POLK: variants seen among roughly 807,000 people sequenced by gnomAD.
POLK encodes polymerase (DNA directed) kappa.
POLK carries 76 observed loss-of-function variants against 94.0 expected under a neutral mutation model. That is an observed-to-expected ratio of 0.81 (90% CI 0.67 to 0.98). The LOEUF (loss-of-function observed/expected upper bound fraction) is 0.98, where lower values mean the gene tolerates loss of function less well. POLK is among the 50% of genes least tolerant of loss of function. The probability of loss-of-function intolerance (pLI) is 0.00; values close to 1 mark genes in which losing one functional copy is unlikely to be tolerated. For missense variants in POLK, 954 were observed against 1,010.1 expected (o/e 0.94, Z 0.75); for synonymous variants, 349 against 325.4 (o/e 1.07, Z -0.78).
chr5:75,594,063 A>AT lies in POLK; in HGVS notation c.1528+21dup, dbSNP rs768343576. The AT allele has an allele frequency of 1.9e-6, 3 of 1,544,926 alleles. No individual in the cohort carries two copies. The highest frequency in any genetic ancestry group is 1.4e-5 in the African/African-American group (1 of 71,844). On this transcript the variant is annotated intron_variant, in intron 12 of 14. Coordinates refer to ENST00000241436, the Ensembl canonical transcript of POLK. ...TAAGGCTTATGGGTATGACTTTTTCATTTTTTTGTTTTTCCTTAAATCTGC... is the reference window on the plus strand; with the variant it reads ...TAAGGCTTATGGGTATGACTTTTTCATTTTTTTTGTTTTTCCTTAAATCTGC...
intron 4 of POLK, among the ~76,000 whole-genome samples, 199 bp downstream of exon 4, chr5:75,569,691 A>T (rs899904338): frequency 6.6e-6 from 1 of 152,122 alleles, no homozygotes; most frequent in Non-Finnish European, 1.5e-5. Flanking sequence ...ACAGATTGGT[A>T]TTGGTCCATG....
At chr5:75,604,956 C>T (rs922722818), downstream of POLK, among the ~76,000 whole-genome samples, 1 of 152,108 alleles carries the variant, frequency 6.6e-6, no homozygotes, top group African/African-American at 2.4e-5. Context: ...TGAACTGTTC[C>T]CCTTACCAGT....
chr5:75,546,622 AC>A (rs1554055004), intron 1 of POLK, among the ~76,000 whole-genome samples: 4 of 56,364 alleles, frequency 7.1e-5, no homozygotes, highest in African/African-American at 2.9e-4. Flanking sequence ...GCCCCACCCC[AC>A]CCCCCACCCC....
exon 15 of POLK, chr5:75,598,617 G>A (rs1773206955): frequency 6.6e-6 from 1 of 152,598 alleles, no homozygotes; most frequent in East Asian, 1.9e-4. Flanking sequence ...ATAAGCACTT[G>A]AATCAGTTTT....
chr5:75,585,351 CTACTT>C (rs1259290417), intron 9 of POLK, among the ~76,000 whole-genome samples: 2 of 152,202 alleles, frequency 1.3e-5, no homozygotes, highest in African/African-American at 4.8e-5. Flanking sequence ...TCAGTACTGA[CTACTT>C]TACTTTGTGT....
chr5:75,584,656 A>G (rs1373409391), intron 8 of POLK, 104 bp from the exon 9 acceptor site: 6 of 663,774 alleles, frequency 9.0e-6, no homozygotes, highest in African/African-American at 1.9e-5. Flanking sequence ...GGGCAACAAG[A>G]GCGAGACTCC....
At chr5:75,602,635 C>T (rs956782152), downstream of POLK, among the ~76,000 whole-genome samples, 3 of 152,158 alleles carry the variant, frequency 2.0e-5, no homozygotes, top group African/African-American at 4.8e-5. Context: ...ACTTCAAATT[C>T]GTAACATGTT....
intron 6 of POLK, 29 bp downstream of exon 6, chr5:75,576,962 A>G (rs1208639349): frequency 2.1e-6 from 3 of 1,429,598 alleles, no homozygotes; most frequent in African/African-American, 1.5e-5. Context: ...CTATCAAACC[A>G]AGAAGCAGTG....
chr5:75,596,115 C>G (rs1281149349), intron 12 of POLK, 107 bp from the exon 13 acceptor site: 3 of 657,382 alleles, frequency 4.6e-6, no homozygotes, highest in African/African-American at 1.8e-5. Flanking sequence ...TAGTTTCTCT[C>G]TAGCCAACCT....
exon 7 of POLK, chr5:75,581,300 C>A: frequency 6.2e-7 from 1 of 1,613,542 alleles, no homozygotes; most frequent in Non-Finnish European, 8.5e-7. Context: ...ATGTGCAGCC[C>A]CCAGGAGATC....
chr5:75,545,166 A>G (rs1477689387), intron 1 of POLK, among the ~76,000 whole-genome samples: 1 of 152,228 alleles, frequency 6.6e-6, no homozygotes, highest in African/African-American at 2.4e-5. Flanking sequence ...TAATAGTCAC[A>G]GTATTCAGAG....
chr5:75,529,103 G>A (rs1769016629), intron 1 of POLK, among the ~76,000 whole-genome samples: 1 of 152,148 alleles, frequency 6.6e-6, no homozygotes. Context: ...CTGAGACTGG[G>A]TAATTTATAA....
intron 5 of POLK, 46 bp downstream of exon 5, chr5:75,573,915 G>A: frequency 6.3e-7 from 1 of 1,595,780 alleles, no homozygotes; most frequent in African/African-American, 1.3e-5. Flanking sequence ...CTGAGTTCCT[G>A]TCACCTACAG....
upstream of POLK, chr5:75,511,377 G>T: frequency 3.2e-6 from 5 of 1,546,462 alleles, no homozygotes; most frequent in East Asian, 2.4e-5. Flanking sequence ...CCGCCGCCGC[G>T]CCTGACACCG....
At chr5:75,526,588 C>CTT (rs543279835) in intron 1 of POLK, among the ~76,000 whole-genome samples, 12 of 77,830 alleles carry the variant, frequency 1.5e-4, no homozygotes, top group Admixed American at 4.0e-4. Context: ...TTTTTTTTTT[C>CTT]TTTTTTTTTT....
At position 75,576,942 on chromosome 5, in the gene POLK, C is replaced by A; in HGVS notation, c.694+9C>A. 6.7e-7 allele frequency: 1 copy of A among 1,491,674 alleles called. No individual in the cohort carries two copies. The highest frequency in any genetic ancestry group is 9.0e-7 in the Non-Finnish European group (1 of 1,116,288). The allele number at this position is 1,491,674 out of a possible 1,614,324, so 92.4% of individuals were successfully genotyped here. ...AAGCTCTGTAGAAAATGGTAAGCAA[C>A]TTATTAAGACTATCAAACCAAGAAG... On this transcript the variant is annotated intron_variant, in intron 6 of 14. Coordinates refer to ENST00000241436, the Ensembl canonical transcript of POLK.
At chr5:75,557,986 A>C (rs1329848094) in intron 3 of POLK, among the ~76,000 whole-genome samples, 2 of 152,064 alleles carry the variant, frequency 1.3e-5, no homozygotes, top group Non-Finnish European at 1.5e-5. Flanking sequence ...ACAGGGTTTC[A>C]CCATGTTGGC....
intron 3 of POLK, among the ~76,000 whole-genome samples, chr5:75,563,457 CT>C (rs1362412513): frequency 1.3e-5 from 2 of 152,020 alleles, no homozygotes; most frequent in South Asian, 2.1e-4. Context: ...TTTGTTTGCT[CT>C]TGCTTTTCTA....
At chr5:75,604,048 A>G (rs1246117100), downstream of POLK, among the ~76,000 whole-genome samples, 1 of 152,176 alleles carries the variant, frequency 6.6e-6, no homozygotes, top group Non-Finnish European at 1.5e-5. Context: ...ACGGAGAGTC[A>G]TTTGTTGACA....
Sources: gnomAD v4.1 joint callset for allele counts (sites outside exome capture counted in the v4.1 genomes callset) on GRCh38, gnomAD v4.1.1 for gene constraint, MANE v1.5 for transcripts, NCBI Gene and HGNC (gene_info 2026-07-23, HGNC 2026-07-21) for gene names.